The following CTNNBL1 variants were observed in gnomAD, a reference collection of about 807,000 sequenced individuals.
CTNNBL1 encodes catenin beta like 1, also known as beta-catenin-like protein 1.
A neutral mutation model predicts 72.7 loss-of-function variants in CTNNBL1; 31 were observed. The observed-to-expected ratio is 0.43, with a 90% CI of 0.32 to 0.58. The LOEUF (loss-of-function observed/expected upper bound fraction) is 0.58. CTNNBL1 is among the 20% of genes least tolerant of loss of function. The pLI is 0.08. For missense variants in CTNNBL1, 534 were observed against 725.1 expected, an observed-to-expected ratio of 0.74 and a Z score of 3.03; for synonymous variants, 240 against 267.3, an observed-to-expected ratio of 0.90 and a Z score of 1.00.
At chr20:37,777,282 T>C (rs2073583213) in intron 7 of CTNNBL1, 63 bp from the exon 8 acceptor site, 1 of 1,325,536 alleles carries the variant, frequency 7.5e-7, no homozygotes, top group African/African-American at 1.4e-5. Flanking sequence ...TCGTGAAAAA[T>C]TTGTCCTGGG....
At chr20:37,700,362 C>A (rs1182401491) in intron 1 of CTNNBL1, among the ~76,000 whole-genome samples, 2 of 152,126 alleles carry the variant, frequency 1.3e-5, no homozygotes, top group Non-Finnish European at 2.9e-5. Flanking sequence ...AAGTATTTAA[C>A]ATTTTTTGGG....
chr20:37,831,686 G>A (rs1413288932), intron 11 of CTNNBL1, among the ~76,000 whole-genome samples: 3 of 152,010 alleles, frequency 2.0e-5, no homozygotes, highest in Admixed American at 2.0e-4. Context: ...ATTTCTTAGC[G>A]TTAATCATAA....
Position 37,816,019 on chromosome 20 carries a change from G to GT in CTNNBL1, c.1213+12979dup, listed in dbSNP as rs201828505. Among the ~76,000 whole-genome samples, 430 of 151,974 alleles carry GT rather than the reference G, an allele frequency of 2.8e-3. 3 individuals are homozygous for GT. The highest frequency in any genetic ancestry group is 9.2e-3 in the African/African-American group (383 of 41,458). ...AATCATCTTGCAGTCTTACTTGTTT[G>GT]TTTTTTTTATGGTAAGAAAATGTTG... On this transcript the variant is annotated intron_variant, in intron 11 of 15. Coordinates refer to ENST00000361383, the MANE Select transcript of CTNNBL1 (RefSeq NM_030877.5).
intron 1 of CTNNBL1, among the ~76,000 whole-genome samples, chr20:37,708,189 C>CT (rs760708336): frequency 0.01 from 1,436 of 142,854 alleles, 15 homozygotes; most frequent in African/African-American, 0.032. Context: ...GATAGACTTT[C>CT]TTTTTTTTTT....
At chr20:37,714,019 G>A (rs2122563606) in intron 1 of CTNNBL1, among the ~76,000 whole-genome samples, 1 of 152,162 alleles carries the variant, frequency 6.6e-6, no homozygotes, top group South Asian at 2.1e-4. Flanking sequence ...TACCCAGTAA[G>A]TAGATGGTGG....
intron 14 of CTNNBL1, 55 bp from the exon 15 acceptor site, chr20:37,860,217 G>T (rs1016987632): frequency 6.6e-7 from 1 of 1,521,778 alleles, no homozygotes; most frequent in South Asian, 1.1e-5. Context: ...ATACATTCTG[G>T]TGTGTCAGGA....
chr20:37,860,826 T>C (rs1182676093), intron 15 of CTNNBL1, among the ~76,000 whole-genome samples: 1 of 152,222 alleles, frequency 6.6e-6, no homozygotes, highest in Non-Finnish European at 1.5e-5. Flanking sequence ...TTTTTTATAG[T>C]ATATTGTTAT....
chr20:37,700,748 G>C (rs1289625115), intron 1 of CTNNBL1, among the ~76,000 whole-genome samples: 1 of 152,156 alleles, frequency 6.6e-6, no homozygotes, highest in Non-Finnish European at 1.5e-5. Flanking sequence ...TCTGGAAAAA[G>C]TTCTTACCTC....
intron 7 of CTNNBL1, among the ~76,000 whole-genome samples, chr20:37,772,510 G>A (rs1368098105): frequency 1.3e-5 from 2 of 152,084 alleles, no homozygotes; most frequent in African/African-American, 2.4e-5. Flanking sequence ...CACCACATCC[G>A]GCTAATTTTT....
chr20:37,855,841 C>T (rs998972507), intron 13 of CTNNBL1, among the ~76,000 whole-genome samples: 2 of 152,230 alleles, frequency 1.3e-5, no homozygotes, highest in African/African-American at 4.8e-5. Context: ...GATGTTTTCA[C>T]TTCTGCCCCA....
intron 10 of CTNNBL1, among the ~76,000 whole-genome samples, chr20:37,801,433 T>G (rs939174284): frequency 1.3e-5 from 2 of 152,170 alleles, no homozygotes; most frequent in African/African-American, 4.8e-5. Context: ...AAAAGAATAA[T>G]TTAAGATTGT....
chr20:37,803,097 T>C (rs762390455), intron 11 of CTNNBL1, 49 bp downstream of exon 11: 2 of 1,535,118 alleles, frequency 1.3e-6, no homozygotes, highest in African/African-American at 1.4e-5. Flanking sequence ...TTAGGAGAAA[T>C]AGGGAAATGT....
intron 1 of CTNNBL1, among the ~76,000 whole-genome samples, chr20:37,710,176 T>C (rs2072924964): frequency 6.6e-6 from 1 of 152,226 alleles, no homozygotes; most frequent in Non-Finnish European, 1.5e-5. Flanking sequence ...TATGAATACA[T>C]GTTAGTTGTG....
At chr20:37,840,323 C>T in intron 12 of CTNNBL1, 124 bp downstream of exon 12, 1 of 692,154 alleles carries the variant, frequency 1.4e-6, no homozygotes, top group Non-Finnish European at 2.5e-6. Context: ...GGCACCTGGG[C>T]CCTGTTGCTT....
intron 6 of CTNNBL1, among the ~76,000 whole-genome samples, chr20:37,767,208 G>C (rs867687517): frequency 1.5e-4 from 23 of 152,222 alleles, no homozygotes; most frequent in East Asian, 3.9e-4. Flanking sequence ...GGATTGGAAG[G>C]GGGGCTGAAA....
In CTNNBL1 at chr20:37,718,562, C is replaced by T. The variant is rs373086459; in HGVS notation, c.31-14317C>T. On this transcript the variant is annotated intron_variant, in intron 1 of 15. Transcript: ENST00000361383. ...CGGGCAGAGGCGCCCCTCACCTCCC[C>T]GACAGGGCGGATGGCCGGGCGGGGG... 1.1e-4 allele frequency among the ~76,000 whole-genome samples: 15 copies of T among 136,440 alleles called. No individual in the cohort carries two copies. In the East Asian group the frequency reaches 1.4e-3, roughly 12 times the overall value. The allele number at this position is 136,440 out of a possible 152,430, so 89.5% of individuals were successfully genotyped here.
At chr20:37,865,985 G>C (rs1215999120) in intron 15 of CTNNBL1, among the ~76,000 whole-genome samples, 1 of 152,200 alleles carries the variant, frequency 6.6e-6, no homozygotes, top group Non-Finnish European at 1.5e-5. Context: ...GGGGCTCTTG[G>C]TAACCCAATT....
intron 5 of CTNNBL1, among the ~76,000 whole-genome samples, chr20:37,764,576 A>C (rs186071729): frequency 3.6e-4 from 55 of 152,356 alleles, no homozygotes; most frequent in African/African-American, 1.3e-3. Context: ...GTGTGACTCC[A>C]TTAAGAGAAA....
intron 15 of CTNNBL1, among the ~76,000 whole-genome samples, chr20:37,863,389 G>T (rs1483462018): frequency 2.6e-5 from 4 of 152,198 alleles, no homozygotes; most frequent in African/African-American, 9.7e-5. Flanking sequence ...CACAGTCTAG[G>T]GGGAGAGGCT....
Sources: allele counts gnomAD v4.1 joint callset (sites outside exome capture counted in the v4.1 genomes callset), GRCh38; gene constraint gnomAD v4.1.1; transcripts MANE v1.5; gene names NCBI Gene and HGNC (gene_info 2026-07-23, HGNC 2026-07-21).